The following NPAS3 variants were observed in gnomAD, a reference collection of about 807,000 sequenced individuals.
NPAS3 encodes the protein neuronal PAS domain protein 3.
Under a neutral mutation model 73.1 loss-of-function variants are expected in NPAS3, and 14 were observed. The observed-to-expected ratio is 0.19, with a 90% confidence interval of 0.13 to 0.30. The LOEUF is 0.30. Among genes scored for constraint, NPAS3 ranks in the 10% least tolerant of loss-of-function variants. The probability of loss-of-function intolerance (pLI) is 1.00; values close to 1 mark genes in which losing one functional copy is unlikely to be tolerated. For synonymous variants in NPAS3, 620 were observed against 541.5 expected, an observed-to-expected ratio of 1.14 and a Z score of -2.01; for missense variants, 1,096 against 1,250.0, an observed-to-expected ratio of 0.88 and a Z score of 1.86.
intron 4 of NPAS3, among the ~76,000 whole-genome samples, chr14:33,464,002 T>A (rs1427153171): frequency 6.6e-6 from 1 of 152,184 alleles, no homozygotes; most frequent in African/African-American, 2.4e-5. Flanking sequence ...GCCAGAAGGT[T>A]ACTGCTGAGT....
intron 9 of NPAS3, chr14:33,780,861 A>G (rs941600067): frequency 1.2e-5 from 3 of 260,230 alleles, no homozygotes; most frequent in Non-Finnish European, 2.3e-5. Flanking sequence ...CAGAGAAGGT[A>G]TGCTTTCAAA....
intron 9 of NPAS3, chr14:33,780,575 GTTA>G: frequency 2.3e-6 from 1 of 438,930 alleles, no homozygotes; most frequent in Non-Finnish European, 4.5e-6. Flanking sequence ...GTCTTCCTCA[GTTA>G]TTATTTGGAA....
At chr14:33,799,132 G>A (rs1248973892) in intron 11 of NPAS3, among the ~76,000 whole-genome samples, 5 of 152,078 alleles carry the variant, frequency 3.3e-5, no homozygotes, top group African/African-American at 7.2e-5. Context: ...GGGACAGAGG[G>A]AGACCCTGCC....
At chr14:33,666,998 T>C (rs4982104) in intron 5 of NPAS3, among the ~76,000 whole-genome samples, 103,598 of 152,134 alleles carry the variant, frequency 0.68, 35,527 homozygotes, top group African/African-American at 0.75. Context: ...TTTAAATTTT[T>C]CTAGTAGCCG....
intron 3 of NPAS3, among the ~76,000 whole-genome samples, chr14:33,318,562 A>C (rs188362333): frequency 3.2e-4 from 48 of 152,222 alleles, no homozygotes; most frequent in African/African-American, 1.1e-3. Flanking sequence ...TTATCCAAAA[A>C]TGTGTGTATG....
At chr14:33,366,684 A>G (rs955157510) in intron 3 of NPAS3, among the ~76,000 whole-genome samples, 5 of 152,174 alleles carry the variant, frequency 3.3e-5, no homozygotes, top group African/African-American at 1.2e-4. Flanking sequence ...GTCTTATCCA[A>G]TATGTTGTGC....
intron 2 of NPAS3, among the ~76,000 whole-genome samples, chr14:33,147,730 A>AATATATATATATATATATATATAT (rs10674790): frequency 7.7e-6 from 1 of 130,388 alleles, no homozygotes; most frequent in African/African-American, 3.2e-5. Context: ...TAGAATAAAA[A>AATATATATATATATATATATATAT]ATATATATAT....
intron 1 of NPAS3, among the ~76,000 whole-genome samples, chr14:32,943,174 CT>C (rs965753312): frequency 7.7e-4 from 112 of 146,142 alleles, no homozygotes; most frequent in Admixed American, 1.4e-3. Flanking sequence ...TTATTCGATA[CT>C]TTTTTTTTTT....
intron 5 of NPAS3, among the ~76,000 whole-genome samples, chr14:33,569,772 A>G (rs948626888): frequency 3.1e-4 from 47 of 152,196 alleles, no homozygotes; most frequent in African/African-American, 1.1e-3. Context: ...CTTTCTGGCT[A>G]AAGTCCCTAA....
At chr14:32,998,616 A>G (rs1033368947) in intron 1 of NPAS3, among the ~76,000 whole-genome samples, 2 of 152,160 alleles carry the variant, frequency 1.3e-5, no homozygotes, top group African/African-American at 4.8e-5. Context: ...AGCTTCCTAT[A>G]GGAGACCTTC....
chr14:33,421,749 A>G (rs577508481), intron 4 of NPAS3, among the ~76,000 whole-genome samples: 106 of 152,104 alleles, frequency 7.0e-4, no homozygotes, highest in African/African-American at 2.0e-3. Context: ...TACTTTTTAT[A>G]GTCAATGATA....
At chr14:33,236,875 C>G (rs1378303909) in intron 3 of NPAS3, among the ~76,000 whole-genome samples, 1 of 152,108 alleles carries the variant, frequency 6.6e-6, no homozygotes, top group Non-Finnish European at 1.5e-5. Flanking sequence ...CGACATTATA[C>G]TGAACCTGTC....
chr14:33,343,308 C>A (rs1159971176), intron 3 of NPAS3, among the ~76,000 whole-genome samples: 1 of 152,146 alleles, frequency 6.6e-6, no homozygotes, highest in South Asian at 2.1e-4. Flanking sequence ...TTTTTCTCAT[C>A]GTCCCCAACA....
intron 2 of NPAS3, among the ~76,000 whole-genome samples, chr14:33,202,313 GA>G (rs2139596061): frequency 6.6e-6 from 1 of 152,116 alleles, no homozygotes; most frequent in African/African-American, 2.4e-5. Context: ...TGAGGTGGGA[GA>G]ATTGCTTGAA....
At chr14:33,728,877 C>A (rs1039869568) in intron 6 of NPAS3, among the ~76,000 whole-genome samples, 1 of 152,164 alleles carries the variant, frequency 6.6e-6, no homozygotes, top group Non-Finnish European at 1.5e-5. Flanking sequence ...ATTTAATGAT[C>A]CCCTCCTTCA....
At chr14:33,271,449 T>A (rs1952081) in intron 3 of NPAS3, among the ~76,000 whole-genome samples, 2 of 152,120 alleles carry the variant, frequency 1.3e-5, no homozygotes, top group African/African-American at 2.4e-5. Context: ...GGCTAGCTGT[T>A]GGGGAGAAGG....
chr14:33,171,667 G>A (rs2045394656), intron 2 of NPAS3, among the ~76,000 whole-genome samples: 1 of 152,136 alleles, frequency 6.6e-6, no homozygotes, highest in African/African-American at 2.4e-5. Flanking sequence ...CTCCCTGTCA[G>A]CAATAAGCCT....
chr14:33,376,643 A>G (rs1445571939), intron 4 of NPAS3, among the ~76,000 whole-genome samples: 1 of 152,184 alleles, frequency 6.6e-6, no homozygotes, highest in Non-Finnish European at 1.5e-5. Context: ...TTGTATCCAC[A>G]TCTCCAGACA....
chr14:33,134,108 A>G (rs780145607), intron 2 of NPAS3, among the ~76,000 whole-genome samples: 1 of 152,160 alleles, frequency 6.6e-6, no homozygotes, highest in Non-Finnish European at 1.5e-5. Context: ...ATGCAAATTG[A>G]CTGCTATTTG....
Sources: gnomAD v4.1 joint callset for allele counts (sites outside exome capture counted in the v4.1 genomes callset) on GRCh38, gnomAD v4.1.1 for gene constraint, MANE v1.5 for transcripts, NCBI Gene and HGNC (gene_info 2026-07-23, HGNC 2026-07-21) for gene names.